The following CCDC25 variants were observed in gnomAD, a reference collection of about 807,000 sequenced individuals.
The protein encoded by CCDC25 is coiled-coil domain containing 25.
Under a neutral mutation model 35.3 loss-of-function variants are expected in CCDC25, and 16 were observed. The observed-to-expected ratio is 0.45, with a 90% CI of 0.31 to 0.69. CCDC25 has a LOEUF of 0.69. Ranked by LOEUF, CCDC25 falls within the 30% of genes least tolerant of loss-of-function variation. The probability of loss-of-function intolerance (pLI) is 0.06; values close to 1 mark genes in which losing one functional copy is unlikely to be tolerated. For synonymous variants in CCDC25, 79 were observed against 80.3 expected (o/e 0.98, Z 0.09); for missense variants, 179 against 250.7 (o/e 0.71, Z 1.93).
intron 3 of CCDC25, among the ~76,000 whole-genome samples, chr8:27,757,809 G>A (rs936394565): frequency 6.6e-6 from 1 of 152,162 alleles, no homozygotes; most frequent in South Asian, 2.1e-4. Context: ...GTTAGAAGTG[G>A]GGCCTGGTGG....
At chr8:27,740,149 G>A (rs1803386246) in intron 8 of CCDC25, among the ~76,000 whole-genome samples, 1 of 151,174 alleles carries the variant, frequency 6.6e-6, no homozygotes, top group Non-Finnish European at 1.5e-5. Flanking sequence ...ATAAATAAAG[G>A]CACTTTTGCA....
At chr8:27,746,244 C>T (rs976198326) in intron 7 of CCDC25, among the ~76,000 whole-genome samples, 1 of 152,222 alleles carries the variant, frequency 6.6e-6, no homozygotes, top group Non-Finnish European at 1.5e-5. Context: ...GAGAATCAGA[C>T]TGAGACTAAC....
intron 5 of CCDC25, among the ~76,000 whole-genome samples, chr8:27,750,496 A>AAGT (rs1803761262): frequency 6.6e-6 from 1 of 152,172 alleles, no homozygotes; most frequent in Admixed American, 6.5e-5. Flanking sequence ...TACACCTACT[A>AAGT]TGTGGACCTT....
intron 5 of CCDC25, among the ~76,000 whole-genome samples, chr8:27,750,282 T>C (rs1803752219): frequency 6.6e-6 from 1 of 152,198 alleles, no homozygotes; most frequent in African/African-American, 2.4e-5. Context: ...TTGAGCCAAA[T>C]GGGTTGACAT....
At chr8:27,752,444 A>G in intron 5 of CCDC25, 68 bp downstream of exon 5, 1 of 1,219,394 alleles carries the variant, frequency 8.2e-7, no homozygotes, top group Non-Finnish European at 1.2e-6. Flanking sequence ...ATGCTCACTA[A>G]AATGTAATCC....
chr8:27,761,156 T>A (rs1411215166), intron 3 of CCDC25, among the ~76,000 whole-genome samples: 1 of 151,784 alleles, frequency 6.6e-6, no homozygotes, highest in African/African-American at 2.4e-5. Flanking sequence ...TTAAATCAAC[T>A]CTTCTAAAAA....
At position 27,736,263 on chromosome 8, in the gene CCDC25, A is replaced by G. The variant is rs781600337; in HGVS notation, c.598-18T>C. On this transcript the variant is annotated intron_variant, in intron 8 of 8. Transcript: ENST00000356537. ...TTGCCATCCTGTAGGAAACACAAAA[A>G]TGAGAACATAAAAGCCTTGAAAATA... is the stretch of plus-strand genomic sequence containing the variant. 2.1e-5 allele frequency: 33 copies of G among 1,583,626 alleles called. No individual in the cohort carries two copies. The highest frequency in any genetic ancestry group is 2.6e-5 in the Non-Finnish European group (30 of 1,161,320).
chr8:27,736,300 A>T, intron 8 of CCDC25, 55 bp from the exon 9 acceptor site: 1 of 1,390,360 alleles, frequency 7.2e-7, no homozygotes, highest in Non-Finnish European at 1.0e-6. Context: ...TTCAATATTT[A>T]AAATTTACAA....
chr8:27,765,132 A>T, intron 2 of CCDC25, 72 bp downstream of exon 2: 1 of 1,374,022 alleles, frequency 7.3e-7, no homozygotes. Flanking sequence ...GGTGGGGGGC[A>T]TGGAAGGTGG....
At chr8:27,762,289 T>C (rs1028545062) in intron 3 of CCDC25, 130 bp downstream of exon 3, 2 of 739,454 alleles carry the variant, frequency 2.7e-6, no homozygotes, top group Non-Finnish European at 4.5e-6. Flanking sequence ...ATGAAGGAAC[T>C]GGCAGTCAGC....
intron 5 of CCDC25, 46 bp downstream of exon 5, chr8:27,752,466 A>G: frequency 7.0e-7 from 1 of 1,422,312 alleles, no homozygotes; most frequent in Non-Finnish European, 9.9e-7. Context: ...TTTCAGACAC[A>G]GAGAAAGTCC....
intron 4 of CCDC25, chr8:27,756,237 T>C (rs542613207): frequency 1.9e-5 from 3 of 154,190 alleles, no homozygotes; most frequent in South Asian, 2.0e-4. Flanking sequence ...TGAATAGAGA[T>C]AGATTGGAAA....
chr8:27,764,183 T>A (rs894441668), intron 2 of CCDC25: 1 of 153,848 alleles, frequency 6.5e-6, no homozygotes, highest in African/African-American at 2.4e-5. Context: ...TTTAGAGAAG[T>A]AATGTCCGTT....
chr8:27,766,242 G>A (rs1804395952), intron 1 of CCDC25, among the ~76,000 whole-genome samples: 1 of 152,228 alleles, frequency 6.6e-6, no homozygotes, highest in Non-Finnish European at 1.5e-5. Context: ...GCAGGGTTGG[G>A]CTGAACAGCC....
At chr8:27,755,380 C>CATGGTTCTGGAACATGGTTATT (rs1803963767) in intron 4 of CCDC25, among the ~76,000 whole-genome samples, 2 of 152,182 alleles carry the variant, frequency 1.3e-5, no homozygotes, top group Admixed American at 6.5e-5. Flanking sequence ...GGTTACAGAA[C>CATGGTTCTGGAACATGGTTATT]ATATCTCAAA....
intron 3 of CCDC25, among the ~76,000 whole-genome samples, chr8:27,761,193 G>A (rs1048124824): frequency 6.6e-6 from 1 of 152,138 alleles, no homozygotes; most frequent in Non-Finnish European, 1.5e-5. Context: ...ATCACTAGAG[G>A]GAAATAAGTG....
chr8:27,768,564 C>CAAAAAAAAAA (rs368194540), intron 1 of CCDC25, among the ~76,000 whole-genome samples: 1 of 106,620 alleles, frequency 9.4e-6, no homozygotes, highest in African/African-American at 3.6e-5. Context: ...GACTCCATCT[C>CAAAAAAAAAA]AAAAAAAAAA....
At chr8:27,758,230 TA>T (rs1804085827) in intron 3 of CCDC25, among the ~76,000 whole-genome samples, 1 of 152,238 alleles carries the variant, frequency 6.6e-6, no homozygotes, top group Admixed American at 6.5e-5. Flanking sequence ...TATGTTTCTC[TA>T]GCCATTTTCT....
intron 3 of CCDC25, among the ~76,000 whole-genome samples, chr8:27,761,818 T>C (rs1459923495): frequency 1.3e-5 from 2 of 152,222 alleles, no homozygotes; most frequent in African/African-American, 2.4e-5. Flanking sequence ...TGAAGTCTTT[T>C]TGTTTGTTTG....
Sources: allele counts gnomAD v4.1 joint callset (sites outside exome capture counted in the v4.1 genomes callset), GRCh38; gene constraint gnomAD v4.1.1; transcripts MANE v1.5; gene names NCBI Gene and HGNC (gene_info 2026-07-23, HGNC 2026-07-21).